The following TUBB8 variants were observed in gnomAD, a reference collection of about 807,000 sequenced individuals.
TUBB8 encodes tubulin beta-8 chain.
TUBB8 carries 25 observed loss-of-function variants against 33.7 expected under a neutral mutation model. The ratio of observed to expected loss-of-function variants is 0.74; its 90% CI spans 0.54 to 1.04. The LOEUF (loss-of-function observed/expected upper bound fraction) is 1.04, where lower values mean the gene tolerates loss of function less well. Among genes scored for constraint, TUBB8 ranks in the 50% least tolerant of loss-of-function variants. The pLI, the probability that TUBB8 is intolerant of heterozygous loss-of-function variation, is 0.00. For missense variants in TUBB8, 279 were observed against 608.0 expected, an observed-to-expected ratio of 0.46 and a Z score of 5.69; for synonymous variants, 245 against 240.1, an observed-to-expected ratio of 1.02 and a Z score of -0.19.
At chr10:53,892 T>C (rs1396523141), upstream of TUBB8, among the ~76,000 whole-genome samples, 3 of 120,828 alleles carry the variant, frequency 2.5e-5, no homozygotes, top group Admixed American at 2.4e-4. Flanking sequence ...TTGGTTTTAA[T>C]TGTAATTTTT....
chr10:65,308 A>G (rs1834656419), intron 1 of TUBB8, among the ~76,000 whole-genome samples: 2 of 152,236 alleles, frequency 1.3e-5, no homozygotes, highest in Non-Finnish European at 1.5e-5. Context: ...AACACTTAAT[A>G]CGCTAAATAG....
chr10:70,610 C>G (rs1554742194), intron 1 of TUBB8, among the ~76,000 whole-genome samples: 1 of 151,982 alleles, frequency 6.6e-6, no homozygotes, highest in Non-Finnish European at 1.5e-5. Flanking sequence ...GAGGCCGAGG[C>G]GGGCGGATCA....
At chr10:46,700 C>G, downstream of TUBB8, 1 of 348,308 alleles carries the variant, frequency 2.9e-6, no homozygotes, top group Non-Finnish European at 5.3e-6. Context: ...GCCCAAGGCC[C>G]AGGGCATCCC....
upstream of TUBB8, among the ~76,000 whole-genome samples, chr10:74,666 TAGAA>T (rs1184309713): frequency 1.6e-4 from 19 of 119,480 alleles, no homozygotes; most frequent in South Asian, 3.6e-3. Flanking sequence ...AAGAAAAAAA[TAGAA>T]AGAAGGAAAA....
chr10:55,747 T>C (rs1834522494), intron 1 of TUBB8, among the ~76,000 whole-genome samples: 1 of 152,288 alleles, frequency 6.6e-6, no homozygotes, highest in Non-Finnish European at 1.5e-5. Context: ...AGAAACTGTC[T>C]TATTTTTTGT....
chr10:71,251 G>A (rs1402347031), intron 1 of TUBB8, among the ~76,000 whole-genome samples: 3 of 151,978 alleles, frequency 2.0e-5, no homozygotes, highest in African/African-American at 7.3e-5. Flanking sequence ...GGAAAGGGAG[G>A]TTGCAGCGAG....
At chr10:69,063 C>G (rs138296696) in intron 1 of TUBB8, among the ~76,000 whole-genome samples, 1 of 152,206 alleles carries the variant, frequency 6.6e-6, no homozygotes, top group South Asian at 2.1e-4. Flanking sequence ...TCCCCCTGCC[C>G]GCAACTGGTG....
At chr10:50,943 C>A (rs1834460835), upstream of TUBB8, among the ~76,000 whole-genome samples, 1 of 152,188 alleles carries the variant, frequency 6.6e-6, no homozygotes, top group African/African-American at 2.4e-5. Context: ...GTCTGGCCTG[C>A]TAGAATCAAT....
intron 1 of TUBB8, among the ~76,000 whole-genome samples, chr10:61,329 A>C (rs1834599174): frequency 6.6e-6 from 1 of 152,180 alleles, no homozygotes; most frequent in African/African-American, 2.4e-5. Flanking sequence ...TGTTTCAAGA[A>C]ATTTTTCCAT....
chr10:75,772 G>A (rs577716208), upstream of TUBB8, among the ~76,000 whole-genome samples: 1 of 152,118 alleles, frequency 6.6e-6, no homozygotes, highest in South Asian at 2.1e-4. Flanking sequence ...CTGGAGTGCA[G>A]TGCAGTGAGC....
chr10:55,179 C>A (rs12242501), intron 1 of TUBB8, among the ~76,000 whole-genome samples: 1 of 152,000 alleles, frequency 6.6e-6, no homozygotes, highest in African/African-American at 2.4e-5. Flanking sequence ...TGACAGCAGG[C>A]GAGAGAGCAT....
upstream of TUBB8, among the ~76,000 whole-genome samples, chr10:50,487 T>A (rs1834453210): frequency 6.6e-6 from 1 of 152,178 alleles, no homozygotes; most frequent in Admixed American, 6.5e-5. Flanking sequence ...TGCAGGGGCC[T>A]TGGCTGTGGC....
chr10:56,124 A>T (rs1834527105), intron 1 of TUBB8, among the ~76,000 whole-genome samples: 1 of 152,244 alleles, frequency 6.6e-6, no homozygotes, highest in Non-Finnish European at 1.5e-5. Flanking sequence ...GAACATAGAT[A>T]TAACTTTCCA....
exon 1 of TUBB8, chr10:74,018 C>A: frequency 6.4e-6 from 1 of 156,384 alleles, no homozygotes. Flanking sequence ...GTCCTCACAG[C>A]GGACGCGGCC....
intron 1 of TUBB8, among the ~76,000 whole-genome samples, chr10:66,824 T>A (rs1455164012): frequency 6.6e-6 from 1 of 151,956 alleles, no homozygotes; most frequent in African/African-American, 2.4e-5. Flanking sequence ...AATCAAAAAA[T>A]TAGCCAGATG....
intron 1 of TUBB8, among the ~76,000 whole-genome samples, chr10:67,235 T>G (rs1178402638): frequency 6.6e-6 from 1 of 152,026 alleles, no homozygotes; most frequent in Non-Finnish European, 1.5e-5. Context: ...TGTTGATTTC[T>G]GCCAAAAGGA....
intron 1 of TUBB8, among the ~76,000 whole-genome samples, chr10:62,787 T>C (rs551327351): frequency 6.6e-6 from 1 of 152,384 alleles, no homozygotes; most frequent in South Asian, 2.1e-4. Context: ...GTCTTTTTTT[T>C]CTTCAGCTTT....
intron 1 of TUBB8, among the ~76,000 whole-genome samples, chr10:63,763 T>G (rs1554741201): frequency 6.6e-6 from 1 of 152,222 alleles, no homozygotes; most frequent in African/African-American, 2.4e-5. Flanking sequence ...AGGTCACATA[T>G]CTCTATTTTT....
chr10:56,357 C>G (rs1420598334), intron 1 of TUBB8, among the ~76,000 whole-genome samples: 2 of 152,104 alleles, frequency 1.3e-5, no homozygotes, highest in African/African-American at 4.8e-5. Flanking sequence ...GTTATTACTT[C>G]TAATAGTTTT....
Sources: allele counts gnomAD v4.1 joint callset (sites outside exome capture counted in the v4.1 genomes callset), GRCh38; gene constraint gnomAD v4.1.1; transcripts MANE v1.5; gene names NCBI Gene and HGNC (gene_info 2026-07-23, HGNC 2026-07-21).